ZFP30: variants seen among roughly 807,000 people sequenced by gnomAD.
ZFP30 encodes the protein ZFP30 zinc finger protein, also known as zinc finger protein 30 homolog.
In ZFP30, 16 loss-of-function variants were observed where a neutral mutation model predicts 12.3. The observed-to-expected ratio is 1.30, with a 90% CI of 0.88 to 1.98. The LOEUF is 1.98. Among genes scored for constraint, ZFP30 ranks in the 30% most tolerant of loss-of-function variants. The probability of loss-of-function intolerance (pLI) is 0.00; values close to 1 mark genes in which losing one functional copy is unlikely to be tolerated. For missense variants in ZFP30, 560 were observed against 611.2 expected, an observed-to-expected ratio of 0.92 and a Z score of 0.88; for synonymous variants, 172 against 201.0, an observed-to-expected ratio of 0.86 and a Z score of 1.22.
Position 37,647,844 on chromosome 19 carries a change from G to A in ZFP30, c.-22C>T, listed in dbSNP as rs1163182680. 1.2e-6 allele frequency: 2 copies of A among 1,613,998 alleles called. No individual in the cohort carries two copies. Among genetic ancestry groups the A allele is most frequent in the Non-Finnish European group, 1.7e-6 (2 of 1,179,938 alleles). On this transcript the variant is annotated 5_prime_UTR_variant, in exon 3 of 6. Coordinates refer to ENST00000684514, the MANE Select transcript of ZFP30 (RefSeq NM_001320669.3). The stretch of plus-strand genomic sequence containing the variant: ...CCATGATTTTAGAACTGCTAGAACT[G>A]GTCAATTTTCCTCAAGGTTCATGTA...
At chr19:37,653,500 C>T (rs759165725) in intron 2 of ZFP30, among the ~76,000 whole-genome samples, 8 of 152,122 alleles carry the variant, frequency 5.3e-5, no homozygotes, top group Non-Finnish European at 7.4e-5. Flanking sequence ...TCATATGTAA[C>T]AATTTCTTGA....
At chr19:37,637,734 C>T (rs191062464) in intron 5 of ZFP30, among the ~76,000 whole-genome samples, 7 of 151,752 alleles carry the variant, frequency 4.6e-5, no homozygotes, top group East Asian at 3.9e-4. Context: ...GTGATCTGCC[C>T]GCCTCAGCCT....
intron 5 of ZFP30, among the ~76,000 whole-genome samples, chr19:37,638,259 T>C (rs1323061944): frequency 6.6e-6 from 1 of 152,222 alleles, no homozygotes; most frequent in Non-Finnish European, 1.5e-5. Flanking sequence ...TTATCTTTAC[T>C]TGAGTTTACG....
At chr19:37,642,310 A>G (rs7248397) in intron 5 of ZFP30, among the ~76,000 whole-genome samples, 27,582 of 152,186 alleles carry the variant, frequency 0.18, 2,658 homozygotes, top group Middle Eastern at 0.3. Context: ...GTAACTTTCA[A>G]TGATGAATAA....
At position 37,634,939 on chromosome 19, in the gene ZFP30, A is replaced by G. The variant is rs893202210; in HGVS notation, c.*42T>C. ...ACCTTTCCTCTAGAATGTACTTCCTATGCTCAACATAAAATTCGCAAAGGA... is the reference window on the plus strand; with the variant it reads ...ACCTTTCCTCTAGAATGTACTTCCTGTGCTCAACATAAAATTCGCAAAGGA... On this transcript the variant is annotated 3_prime_UTR_variant, in exon 6 of 6. Coordinates refer to ENST00000684514, the MANE Select transcript of ZFP30 (RefSeq NM_001320669.3). 2 of 1,499,308 alleles carry G rather than the reference A, an allele frequency of 1.3e-6. No individual in the cohort carries two copies. The highest frequency in any genetic ancestry group is 2.8e-5 in the African/African-American group (2 of 71,612). The allele number at this position is 1,499,308 out of a possible 1,614,324, so 92.9% of individuals were successfully genotyped here.
At chr19:37,637,753 G>A (rs2044360129) in intron 5 of ZFP30, among the ~76,000 whole-genome samples, 1 of 152,114 alleles carries the variant, frequency 6.6e-6, no homozygotes, top group Non-Finnish European at 1.5e-5. Flanking sequence ...CTCCCAAAGT[G>A]CTGGGATTAC....
rs2044502865 is a variant in ZFP30, at chr19:37,644,598, T to C, written c.136+12A>G. ...ATGTCTAAATTATCTGACACAGATATGCTAGGCTTACCCAGTGACACCAAG... is the reference window on the plus strand; with the variant it reads ...ATGTCTAAATTATCTGACACAGATACGCTAGGCTTACCCAGTGACACCAAG... On this transcript the variant is annotated intron_variant, in intron 4 of 5. Transcript: ENST00000684514. 6 of 1,587,264 alleles carry C rather than the reference T, an allele frequency of 3.8e-6. No individual in the cohort carries two copies. Among genetic ancestry groups the C allele is most frequent in the African/African-American group, 1.4e-5 (1 of 73,142 alleles).
Position 37,635,707 on chromosome 19 carries a change from G to A in ZFP30, c.834C>T (p.Ala278=), listed in dbSNP as rs56112913. 3,076 of 1,612,984 alleles carry A rather than the reference G, an allele frequency of 1.9e-3. 56 individuals are homozygous for A. In the African/African-American group the frequency reaches 0.037, roughly 20 times the overall value. The stretch of plus-strand genomic sequence containing the variant: ...GAGTAAGGTGTGCATACTGCCTAAA[G>A]GCCTTCCCACATTCTTTACATTCAT... The part of the protein sequence containing the change: ...KPYECKECGK[A]FRQYAHLTRH... The change falls in exon 6 of 6, where the codon GCC becomes GCT. Residue 278 remains alanine (A), a synonymous_variant. Transcript: ENST00000684514.
In ZFP30 at chr19:37,635,431, A is replaced by G. The variant is rs200075060; in HGVS notation, c.1110T>C (p.Thr370=). 9.3e-6 allele frequency: 15 copies of G among 1,614,128 alleles called. No individual in the cohort carries two copies. In the Admixed American group the frequency reaches 2.5e-4, roughly 27 times the overall value. Residue 370 remains threonine (T), a synonymous_variant, in exon 6 of 6, where the codon ACT becomes ACC. Transcript: ENST00000684514. ...CACCAGTATGTATTCTCTGATGGAGAGTTAGATGATAGCCACGACTGAAAG... is the reference window on the plus strand; with the variant it reads ...CACCAGTATGTATTCTCTGATGGAGGGTTAGATGATAGCCACGACTGAAAG... ...GKTFSRGYHL[T]LHQRIHTGEK...
intron 5 of ZFP30, among the ~76,000 whole-genome samples, chr19:37,640,582 G>T (rs1435938277): frequency 6.6e-6 from 1 of 151,324 alleles, no homozygotes; most frequent in South Asian, 2.1e-4. Context: ...CAGGGCATCA[G>T]CTTTAATTAA....
In ZFP30 at chr19:37,631,600, A is replaced by G. The variant is rs2147245400; in HGVS notation, c.*3381T>C. 1.3e-5 allele frequency: 2 copies of G among 151,702 alleles called. No individual in the cohort carries two copies. The highest frequency in any genetic ancestry group is 3.9e-4 in the East Asian group (2 of 5,148). 9.4% of individuals were successfully genotyped at this position (151,702 alleles called of 1,614,324 possible). On this transcript the variant is annotated 3_prime_UTR_variant, in exon 6 of 6. Coordinates refer to ENST00000684514, the MANE Select transcript of ZFP30 (RefSeq NM_001320669.3). ...ATTTATAAGAACTCTGTCTTTATTA[A>G]TTTTGAGAAGGTAATTTTAAGGTGT...
chr19:37,644,691 C>A lies in ZFP30; in HGVS notation c.55G>T (p.Glu19Ter). Residue 19 changes from glutamate (E) to a stop codon, truncating the protein, a stop_gained, in exon 4 of 6, where the codon GAA becomes TAA. Coordinates refer to ENST00000684514, the MANE Select transcript of ZFP30 (RefSeq NM_001320669.3). LOFTEE classifies it high-confidence loss of function. ...TGATATGAGTTCAGGCATTCCCATTCTTCCTGAGAAAAGTCTACAGCCACA... is the reference window on the plus strand; with the variant it reads ...TGATATGAGTTCAGGCATTCCCATTATTCCTGAGAAAAGTCTACAGCCACA... The part of the protein sequence containing the change: ...RDVAVDFSQE[E>*]WECLNSYQRN... 1 of 1,613,754 alleles carries A rather than the reference C, an allele frequency of 6.2e-7. No homozygotes were observed. Among genetic ancestry groups the A allele is most frequent in the Non-Finnish European group, 8.5e-7 (1 of 1,179,828 alleles).
At position 37,634,769 on chromosome 19, in the gene ZFP30, T is replaced by C; in HGVS notation, c.*212A>G. ...ACATTCAGTCCTGTAATAAAGTTCTTTTCTAGGATGAATTTCCTAAAGTTT... is the reference window on the plus strand; with the variant it reads ...ACATTCAGTCCTGTAATAAAGTTCTCTTCTAGGATGAATTTCCTAAAGTTT... On this transcript the variant is annotated 3_prime_UTR_variant, in exon 6 of 6. Coordinates refer to ENST00000684514, the MANE Select transcript of ZFP30 (RefSeq NM_001320669.3). 1 of 493,124 alleles carries C rather than the reference T, an allele frequency of 2.0e-6. No individual in the cohort carries two copies. The highest frequency in any genetic ancestry group is 3.3e-6 in the Non-Finnish European group (1 of 300,736). 30.5% of individuals were successfully genotyped at this position (493,124 alleles called of 1,614,324 possible). A position where few individuals can be genotyped will look rare whatever the true frequency, so the allele number is the denominator to read the frequency against.
At chr19:37,641,746 C>T (rs928785642) in intron 5 of ZFP30, among the ~76,000 whole-genome samples, 1 of 152,174 alleles carries the variant, frequency 6.6e-6, no homozygotes, top group African/African-American at 2.4e-5. Context: ...TTTAAACAAC[C>T]TAAAAAGAAT....
At chr19:37,645,065 C>G (rs1318368783) in intron 3 of ZFP30, among the ~76,000 whole-genome samples, 1 of 151,920 alleles carries the variant, frequency 6.6e-6, no homozygotes, top group African/African-American at 2.4e-5. Context: ...ATTAGCCAGG[C>G]ATGGTGGCGG....
chr19:37,636,388 CAAA>C (rs58180098), intron 5 of ZFP30, 83 bp from the exon 6 acceptor site: 5,023 of 902,568 alleles, frequency 5.6e-3, no homozygotes, highest in South Asian at 0.011. Flanking sequence ...AATCGGTGAC[CAAA>C]AAAAAAAAAA....
Position 37,634,809 on chromosome 19 carries a change from G to C in ZFP30, c.*172C>G, listed in dbSNP as rs2044287016. ...TCCTAAAGTTTAACATGGTTTCAAA[G>C]GTGATGAAAGGCTTCTATATGTTCA... On this transcript the variant is annotated 3_prime_UTR_variant, in exon 6 of 6. Coordinates refer to ENST00000684514, the MANE Select transcript of ZFP30 (RefSeq NM_001320669.3). 6 of 659,018 alleles carry C rather than the reference G, an allele frequency of 9.1e-6. No homozygotes were observed. The South Asian group carries it at 2.5e-4, about 28-fold the overall frequency. The allele number at this position is 659,018 out of a possible 1,614,324, so 40.8% of individuals were successfully genotyped here.
rs59250127 is a variant in ZFP30, at chr19:37,631,680, T to TAAAAAAAAAAAAAA, written c.*3287_*3300dup. ...ATTCCATTCTTAATACATAGAAAGCTAAAAAAAAAAAAAAAAAAAAGACAA... is the reference window on the plus strand; with the variant it reads ...ATTCCATTCTTAATACATAGAAAGCTAAAAAAAAAAAAAAAAAAAAAAAAAAAAAAAAAAGACAA... On this transcript the variant is annotated 3_prime_UTR_variant, in exon 6 of 6. Coordinates refer to ENST00000684514, the MANE Select transcript of ZFP30 (RefSeq NM_001320669.3). 9 of 111,372 alleles carry TAAAAAAAAAAAAAA rather than the reference T, an allele frequency of 8.1e-5. No homozygotes were observed. The highest frequency in any genetic ancestry group is 1.2e-4 in the Non-Finnish European group (6 of 49,968). 6.9% of individuals were successfully genotyped at this position (111,372 alleles called of 1,614,324 possible).
In ZFP30 at chr19:37,634,987, T is replaced by G. The variant is rs112636024; in HGVS notation, c.1554A>C (p.Val518=). The G allele has an allele frequency of 6.5e-7, 1 of 1,540,820 alleles. No individual in the cohort carries two copies. Among genetic ancestry groups the G allele is most frequent in the East Asian group, 2.3e-5 (1 of 44,280 alleles). ...GGAAGAGTTCTAATAATTATTAAGTTACATTATGAATTCGCTGATGGTAAG... is the reference window on the plus strand; with the variant it reads ...GGAAGAGTTCTAATAATTATTAAGTGACATTATGAATTCGCTGATGGTAAG... ...HLTYHQRIHN[V]T The change falls in exon 6 of 6, where the codon GTA becomes GTC. Residue 518 remains valine (V), a synonymous_variant. Transcript: ENST00000684514.
Sources: gnomAD v4.1 joint callset for allele counts (sites outside exome capture counted in the v4.1 genomes callset) on GRCh38, gnomAD v4.1.1 for gene constraint, MANE v1.5 for transcripts, NCBI Gene and HGNC (gene_info 2026-07-23, HGNC 2026-07-21) for gene names.